Variants in ASTN2 observed in about 807,000 individuals in gnomAD.
ASTN2 encodes the protein astrotactin-2.
A neutral mutation model predicts 139.8 loss-of-function variants in ASTN2; 54 were observed. The ratio of observed to expected loss-of-function variants is 0.39; its 90% confidence interval spans 0.31 to 0.48. ASTN2 has a LOEUF of 0.48. Ranked by LOEUF, ASTN2 falls within the 20% of genes least tolerant of loss-of-function variation. The pLI is 0.95. For synonymous variants in ASTN2, 756 were observed against 719.5 expected (o/e 1.05, Z -0.81); for missense variants, 1,565 against 1,725.1 (o/e 0.91, Z 1.64).
intron 2 of ASTN2, among the ~76,000 whole-genome samples, chr9:117,264,337 G>C (rs1833894131): frequency 1.3e-5 from 2 of 152,160 alleles, no homozygotes; most frequent in Non-Finnish European, 2.9e-5. Flanking sequence ...TTTGTATTCA[G>C]ACAAGTCTGG....
chr9:116,854,178 A>T (rs1832680072), intron 11 of ASTN2, among the ~76,000 whole-genome samples: 1 of 152,316 alleles, frequency 6.6e-6, no homozygotes, highest in Non-Finnish European at 1.5e-5. Context: ...TCCACCTCAG[A>T]AGCCTTGAAT....
intron 10 of ASTN2, among the ~76,000 whole-genome samples, chr9:116,888,872 G>A (rs745643881): frequency 6.6e-6 from 1 of 151,950 alleles, no homozygotes; most frequent in Non-Finnish European, 1.5e-5. Flanking sequence ...CCCCCTCAAG[G>A]TCCCAGTGTT....
chr9:116,702,818 A>G (rs1827867484), intron 16 of ASTN2, among the ~76,000 whole-genome samples: 1 of 152,138 alleles, frequency 6.6e-6, no homozygotes, highest in Non-Finnish European at 1.5e-5. Context: ...GATTCATTCA[A>G]TATTTATTAA....
At chr9:116,899,038 A>G (rs985731887) in intron 10 of ASTN2, among the ~76,000 whole-genome samples, 1 of 152,150 alleles carries the variant, frequency 6.6e-6, no homozygotes, top group African/African-American at 2.4e-5. Context: ...CAGGTATTTG[A>G]TTAAATAGAC....
At chr9:117,321,908 T>A (rs1263513623) in intron 1 of ASTN2, among the ~76,000 whole-genome samples, 1 of 152,170 alleles carries the variant, frequency 6.6e-6, no homozygotes, top group East Asian at 1.9e-4. Context: ...TCAAATGTCC[T>A]TTAGGAGAAA....
At chr9:117,166,434 C>CA (rs1830671707) in intron 3 of ASTN2, among the ~76,000 whole-genome samples, 2 of 152,046 alleles carry the variant, frequency 1.3e-5, no homozygotes, top group African/African-American at 4.8e-5. Context: ...CATGACTTTC[C>CA]ACTGCTTTTA....
rs143020124 is a variant in ASTN2, at chr9:116,426,850, G to A, written c.3783-762C>T. Among the ~76,000 whole-genome samples the A allele has an allele frequency of 1.2e-3, 179 of 152,216 alleles. No individual in the cohort carries two copies. The East Asian group carries it at 0.016, about 13-fold the overall frequency. On this transcript the variant is annotated intron_variant, in intron 22 of 22. Transcript: ENST00000313400. The stretch of plus-strand genomic sequence containing the variant: ...GGTCTTATCCTCAAGTTAAGTAAGA[G>A]AAATGCCTAATGCCTGGTATAGAGC...
At chr9:116,549,762 C>A (rs1852262127) in intron 19 of ASTN2, among the ~76,000 whole-genome samples, 1 of 152,172 alleles carries the variant, frequency 6.6e-6, no homozygotes, top group South Asian at 2.1e-4. Flanking sequence ...TGCCCATTTC[C>A]ACTGGAGTGC....
intron 1 of ASTN2, among the ~76,000 whole-genome samples, chr9:117,364,409 G>T (rs1279754832): frequency 2.0e-5 from 3 of 152,120 alleles, no homozygotes; most frequent in African/African-American, 7.2e-5. Flanking sequence ...GAAAGAAATG[G>T]GCCAGGTGAG....
intron 10 of ASTN2, among the ~76,000 whole-genome samples, chr9:116,905,693 C>T (rs1053203009): frequency 3.3e-5 from 5 of 152,152 alleles, no homozygotes; most frequent in African/African-American, 9.7e-5. Context: ...TATGCTCTTA[C>T]AATGACAAAT....
At chr9:117,009,008 C>T (rs1433206194) in intron 6 of ASTN2, among the ~76,000 whole-genome samples, 1 of 152,084 alleles carries the variant, frequency 6.6e-6, no homozygotes, top group African/African-American at 2.4e-5. Flanking sequence ...GAAAAAAATG[C>T]CCTGATGTGG....
intron 1 of ASTN2, among the ~76,000 whole-genome samples, chr9:117,379,734 G>T (rs1353747428): frequency 6.6e-6 from 1 of 152,076 alleles, no homozygotes; most frequent in Non-Finnish European, 1.5e-5. Context: ...AAACGAGAGA[G>T]AAAATTCAAA....
chr9:116,620,143 T>A (rs528903965), intron 18 of ASTN2, among the ~76,000 whole-genome samples, 167 bp downstream of exon 18: 1 of 152,278 alleles, frequency 6.6e-6, no homozygotes, highest in South Asian at 2.1e-4. Flanking sequence ...ACAATTCTGT[T>A]CTGCCAAAGC....
rs551805382 is a variant in ASTN2, at chr9:117,024,400, A to T, written c.1423+15419T>A. Among the ~76,000 whole-genome samples the T allele has an allele frequency of 2.0e-5, 3 of 147,040 alleles. No homozygotes were observed. In the East Asian group the frequency reaches 5.9e-4, roughly 29 times the overall value. The stretch of plus-strand genomic sequence containing the variant: ...TTACAGGAACGGTATTAGATGTCTC[A>T]GAATTGTTTTTTTTTAAAAAGTTAT... On this transcript the variant is annotated intron_variant, in intron 6 of 22. Coordinates refer to ENST00000313400, the MANE Select transcript of ASTN2 (RefSeq NM_001365068.1).
intron 4 of ASTN2, among the ~76,000 whole-genome samples, chr9:117,111,057 A>C (rs1829236869): frequency 1.3e-5 from 2 of 152,256 alleles, no homozygotes; most frequent in African/African-American, 2.4e-5. Flanking sequence ...TGCTCACCAA[A>C]GGCAGGACAG....
intron 20 of ASTN2, among the ~76,000 whole-genome samples, chr9:116,486,944 A>G (rs1221016158): frequency 1.3e-5 from 2 of 152,134 alleles, no homozygotes; most frequent in Non-Finnish European, 2.9e-5. Context: ...TGCGTATTTC[A>G]GTCTGTATGT....
intron 10 of ASTN2, among the ~76,000 whole-genome samples, chr9:116,973,320 T>A (rs896878100): frequency 8.5e-5 from 13 of 152,192 alleles, no homozygotes; most frequent in Non-Finnish European, 1.8e-4. Context: ...ATTATTATTA[T>A]TATTATTACC....
chr9:116,648,854 T>G (rs10817919), intron 17 of ASTN2, among the ~76,000 whole-genome samples: 16,446 of 152,076 alleles, frequency 0.11, 1,377 homozygotes, highest in South Asian at 0.4. Context: ...GCCAACATGT[T>G]GAAACCTTGT....
intron 19 of ASTN2, among the ~76,000 whole-genome samples, chr9:116,494,888 G>C (rs1351529645): frequency 1.3e-5 from 2 of 152,156 alleles, no homozygotes; most frequent in Non-Finnish European, 2.9e-5. Flanking sequence ...TGGGAATTCT[G>C]TTTCAGTCAC....
Sources: allele counts gnomAD v4.1 joint callset (sites outside exome capture counted in the v4.1 genomes callset), GRCh38; gene constraint gnomAD v4.1.1; transcripts MANE v1.5; gene names NCBI Gene and HGNC (gene_info 2026-07-23, HGNC 2026-07-21).